The following CSE1L variants were observed in gnomAD, a reference collection of about 807,000 sequenced individuals.
The protein encoded by CSE1L is exportin-2.
In CSE1L, 24 loss-of-function variants were observed where a neutral mutation model predicts 120.4. The ratio of observed to expected loss-of-function variants is 0.20; its 90% confidence interval spans 0.14 to 0.28. The LOEUF (loss-of-function observed/expected upper bound fraction) is 0.28. Among genes scored for constraint, CSE1L ranks in the 10% least tolerant of loss-of-function variants. The probability of loss-of-function intolerance (pLI) is 1.00; values close to 1 mark genes in which losing one functional copy is unlikely to be tolerated. For missense variants in CSE1L, 830 were observed against 1,145.2 expected (o/e 0.72, Z 3.97); for synonymous variants, 402 against 398.3 (o/e 1.01, Z -0.11).
chr20:49,067,055 A>G (rs2091898266), intron 5 of CSE1L, 135 bp from the exon 6 acceptor site: 1 of 469,382 alleles, frequency 2.1e-6, no homozygotes, highest in East Asian at 3.6e-5. Flanking sequence ...AAAAAAAAAA[A>G]AGAATTCCCT....
intron 24 of CSE1L, 91 bp downstream of exon 24, chr20:49,095,054 G>T: frequency 2.0e-6 from 2 of 984,312 alleles, no homozygotes; most frequent in Non-Finnish European, 3.1e-6. Context: ...GTTTTCATTG[G>T]TGGGCGTAAT....
At position 49,066,254 on chromosome 20, in the gene CSE1L, G is replaced by A; in HGVS notation, c.291G>A (p.Val97=). 1 of 1,614,206 alleles carries A rather than the reference G, an allele frequency of 6.2e-7. No homozygotes were observed. Among genetic ancestry groups the A allele is most frequent in the East Asian group, 2.2e-5 (1 of 44,890 alleles). ...GAGTGGCCATTAAAGCCAACATAGT[G>A]CACTTGATGCTTAGCAGCCCAGAGC... ...ADRVAIKANI[V]HLMLSSPEQI... is the part of the protein sequence containing the mutation. Residue 97 remains valine (V), a synonymous_variant, in exon 4 of 25, where the codon GTG becomes GTA. Transcript: ENST00000262982.
In CSE1L at chr20:49,090,918, AT is replaced by A. The variant is rs751706402; in HGVS notation, c.2280-11del. The stretch of plus-strand genomic sequence containing the variant: ...GAAAAGTCCTAAATTTATATTGTTG[AT>A]TTTTTTTAATTCTTTAGTGAATCAG... On this transcript the variant is annotated intron_variant, in intron 20 of 24. Transcript: ENST00000262982. The A allele has an allele frequency of 1.3e-6, 2 of 1,595,560 alleles. No homozygotes were observed. The highest frequency in any genetic ancestry group is 1.7e-6 in the Non-Finnish European group (2 of 1,168,164).
chr20:49,057,970 C>G (rs1014503309), intron 1 of CSE1L, among the ~76,000 whole-genome samples: 1 of 151,804 alleles, frequency 6.6e-6, no homozygotes, highest in African/African-American at 2.4e-5. Flanking sequence ...GGGGTCTCAC[C>G]CTGTTGACAG....
chr20:49,062,550 T>G (rs2091860494), intron 2 of CSE1L, among the ~76,000 whole-genome samples: 1 of 152,158 alleles, frequency 6.6e-6, no homozygotes, highest in Non-Finnish European at 1.5e-5. Context: ...AGGTTTTTTT[T>G]TAGTTCGACA....
chr20:49,063,428 T>A, intron 3 of CSE1L, 84 bp downstream of exon 3: 1 of 856,156 alleles, frequency 1.2e-6, no homozygotes, highest in Non-Finnish European at 1.7e-6. Context: ...ATAAGGCACG[T>A]GCTTGTAGTC....
At chr20:49,076,793 A>T (rs1032040929) in intron 12 of CSE1L, among the ~76,000 whole-genome samples, 187 bp from the exon 13 acceptor site, 1 of 152,062 alleles carries the variant, frequency 6.6e-6, no homozygotes, top group Non-Finnish European at 1.5e-5. Flanking sequence ...GGCCTCCCAA[A>T]GTGCTGGGAT....
chr20:49,096,271 G>C, intron 24 of CSE1L, 78 bp from the exon 25 acceptor site: 2 of 1,138,308 alleles, frequency 1.8e-6, no homozygotes, highest in African/African-American at 1.5e-5. Flanking sequence ...AGCTGTGGCA[G>C]CTCTCCCGTA....
intron 16 of CSE1L, among the ~76,000 whole-genome samples, chr20:49,087,597 C>T (rs1369396252): frequency 3.3e-5 from 5 of 151,996 alleles, no homozygotes; most frequent in East Asian, 1.9e-4. Context: ...TCAAGTGATC[C>T]GCCAGCCTCG....
chr20:49,061,860 A>G (rs996014879), intron 2 of CSE1L, among the ~76,000 whole-genome samples: 1 of 151,972 alleles, frequency 6.6e-6, no homozygotes, highest in Non-Finnish European at 1.5e-5. Flanking sequence ...TGTATTCAGG[A>G]CAGAGTATAA....
intron 2 of CSE1L, among the ~76,000 whole-genome samples, chr20:49,061,454 G>C (rs1391606472): frequency 2.0e-5 from 3 of 151,028 alleles, no homozygotes; most frequent in African/African-American, 7.3e-5. Context: ...TTACAGGCAT[G>C]AGCCACCGTG....
At chr20:49,095,028 A>ATCCTT in intron 24 of CSE1L, 65 bp downstream of exon 24, 1 of 1,235,430 alleles carries the variant, frequency 8.1e-7, no homozygotes, top group East Asian at 2.4e-5. Context: ...AAAGGATAGT[A>ATCCTT]GTAGTTCTGG....
chr20:49,068,364 G>A (rs1271757855), intron 6 of CSE1L, among the ~76,000 whole-genome samples: 4 of 152,120 alleles, frequency 2.6e-5, no homozygotes, highest in Non-Finnish European at 5.9e-5. Context: ...CGAGGCGGGC[G>A]GATCACGAGG....
At chr20:49,058,615 A>G (rs2091827513) in intron 2 of CSE1L, 67 bp downstream of exon 2, 3 of 1,168,602 alleles carry the variant, frequency 2.6e-6, no homozygotes, top group Non-Finnish European at 3.7e-6. Context: ...CCTATGTATT[A>G]TCTGCCTCCT....
Position 49,076,874 on chromosome 20 carries a change from G to C in CSE1L, c.1336-106G>C, listed in dbSNP as rs2091972601. 1.2e-5 allele frequency: 8 copies of C among 647,454 alleles called. No homozygotes were observed. In the Admixed American group the frequency reaches 2.5e-4, roughly 20 times the overall value. The allele number at this position is 647,454 out of a possible 1,614,324, so 40.1% of individuals were successfully genotyped here. On this transcript the variant is annotated intron_variant, in intron 12 of 24. Transcript: ENST00000262982. ...ACATAAGCAATTTGTATTTTGAAGT[G>C]TTCATCTCCATTTTAACATGGTTTT... is the stretch of plus-strand genomic sequence containing the variant.
intron 10 of CSE1L, among the ~76,000 whole-genome samples, chr20:49,073,508 C>T (rs1041352331): frequency 6.7e-6 from 1 of 149,056 alleles, no homozygotes; most frequent in Non-Finnish European, 1.5e-5. Flanking sequence ...GTTTTGGGGA[C>T]AGGGTCTCAC....
At chr20:49,066,709 G>A (rs1272928823) in intron 5 of CSE1L, among the ~76,000 whole-genome samples, 199 bp downstream of exon 5, 1 of 151,958 alleles carries the variant, frequency 6.6e-6, no homozygotes, top group Non-Finnish European at 1.5e-5. Flanking sequence ...GAAATACTTA[G>A]TCTTGATAAA....
chr20:49,089,044 A>G (rs925171378), intron 17 of CSE1L, among the ~76,000 whole-genome samples: 3 of 151,988 alleles, frequency 2.0e-5, no homozygotes, highest in African/African-American at 4.8e-5. Context: ...TGTATAAGCA[A>G]CTCTGTAACT....
chr20:49,079,250 C>T (rs1209675606), intron 14 of CSE1L, among the ~76,000 whole-genome samples: 8 of 147,826 alleles, frequency 5.4e-5, no homozygotes, highest in African/African-American at 2.0e-4. Flanking sequence ...TTTTTTGAGA[C>T]GGATCTCACT....
Sources: gnomAD v4.1 joint callset for allele counts (sites outside exome capture counted in the v4.1 genomes callset) on GRCh38, gnomAD v4.1.1 for gene constraint, MANE v1.5 for transcripts, NCBI Gene and HGNC (gene_info 2026-07-23, HGNC 2026-07-21) for gene names.